GRIK1: variants seen among roughly 807,000 people sequenced by gnomAD.
GRIK1 encodes glutamate receptor ionotropic, kainate 1.
A neutral mutation model predicts 105.7 loss-of-function variants in GRIK1; 69 were observed. The observed-to-expected ratio is 0.65, with a 90% CI of 0.54 to 0.80. GRIK1 has a LOEUF of 0.80. GRIK1 is among the 30% of genes least tolerant of loss of function. The pLI, the probability that GRIK1 is intolerant of heterozygous loss-of-function variation, is 0.00. For synonymous variants in GRIK1, 438 were observed against 431.3 expected, an observed-to-expected ratio of 1.02 and a Z score of -0.19; for missense variants, 1,109 against 1,167.3, an observed-to-expected ratio of 0.95 and a Z score of 0.73.
chr21:29,726,456 T>A (rs1462234069), intron 1 of GRIK1, among the ~76,000 whole-genome samples: 1 of 152,198 alleles, frequency 6.6e-6, no homozygotes, highest in Non-Finnish European at 1.5e-5. Flanking sequence ...AAAATGTCAT[T>A]TGTTATTACG....
At chr21:29,576,863 T>A in intron 14 of GRIK1, 101 bp downstream of exon 14, 2 of 688,408 alleles carry the variant, frequency 2.9e-6, no homozygotes, top group Non-Finnish European at 4.8e-6. Context: ...TTACCCAACA[T>A]CTTTTTTTCT....
At chr21:29,750,992 C>T (rs113966675) in intron 1 of GRIK1, among the ~76,000 whole-genome samples, 6,532 of 152,134 alleles carry the variant, frequency 0.043, 200 homozygotes, top group Non-Finnish European at 0.066. Flanking sequence ...TGGAAAATTA[C>T]AGTCAAAGGG....
At chr21:29,796,504 C>T (rs569399351) in intron 1 of GRIK1, among the ~76,000 whole-genome samples, 364 of 151,926 alleles carry the variant, frequency 2.4e-3, no homozygotes, top group African/African-American at 8.2e-3. Context: ...TATTCTATTG[C>T]GTATCATATA....
At chr21:29,656,916 G>A (rs1297120766) in intron 4 of GRIK1, among the ~76,000 whole-genome samples, 1 of 152,140 alleles carries the variant, frequency 6.6e-6, no homozygotes, top group Non-Finnish European at 1.5e-5. Context: ...TGAATCATCA[G>A]CCCACAGGAT....
chr21:29,786,850 C>T (rs952672834), intron 1 of GRIK1, among the ~76,000 whole-genome samples: 5 of 152,136 alleles, frequency 3.3e-5, no homozygotes, highest in African/African-American at 1.2e-4. Context: ...TTAAACCTAT[C>T]CCCAGTAAGC....
chr21:29,736,486 C>T (rs1322567502), intron 1 of GRIK1, among the ~76,000 whole-genome samples: 6 of 152,124 alleles, frequency 3.9e-5, no homozygotes, highest in Admixed American at 1.3e-4. Flanking sequence ...TCCTCAGCCT[C>T]CCAAAGTGCT....
intron 3 of GRIK1, among the ~76,000 whole-genome samples, chr21:29,674,582 C>T (rs921150051): frequency 2.6e-5 from 4 of 151,968 alleles, no homozygotes; most frequent in Admixed American, 6.6e-5. Context: ...CGGATATCCC[C>T]CAGGCTGTTC....
intron 3 of GRIK1, among the ~76,000 whole-genome samples, chr21:29,688,292 C>T (rs761454588): frequency 6.6e-6 from 1 of 152,178 alleles, no homozygotes; most frequent in Non-Finnish European, 1.5e-5. Context: ...CCACACTCGT[C>T]ACTTTTATCT....
chr21:29,807,889 C>T (rs540878648), intron 1 of GRIK1, among the ~76,000 whole-genome samples: 2 of 152,238 alleles, frequency 1.3e-5, no homozygotes, highest in African/African-American at 4.8e-5. Context: ...GTCAGCTTTC[C>T]TCCATCTGGA....
intron 1 of GRIK1, among the ~76,000 whole-genome samples, chr21:29,896,603 ATAG>A (rs2146242799): frequency 6.6e-6 from 1 of 152,346 alleles, no homozygotes; most frequent in East Asian, 1.9e-4. Flanking sequence ...TATCTGTCAC[ATAG>A]TAGCTGTTAA....
intron 1 of GRIK1, among the ~76,000 whole-genome samples, chr21:29,867,807 A>T (rs1042005543): frequency 3.4e-4 from 49 of 144,008 alleles, no homozygotes; most frequent in Non-Finnish European, 5.8e-4. Context: ...GAAGAAAGAA[A>T]GAAAGAAAGA....
intron 1 of GRIK1, among the ~76,000 whole-genome samples, chr21:29,733,052 C>T (rs16984863): frequency 0.038 from 5,827 of 152,224 alleles, 255 homozygotes; most frequent in East Asian, 0.1. Flanking sequence ...TTTACTTCTA[C>T]AGGCGGTTAC....
chr21:29,824,078 G>C (rs561367302), intron 1 of GRIK1, among the ~76,000 whole-genome samples: 1 of 151,904 alleles, frequency 6.6e-6, no homozygotes, highest in Admixed American at 6.6e-5. Context: ...GAGGGGTGGT[G>C]GTGACTTGGG....
At chr21:29,831,303 T>C (rs919106986) in intron 1 of GRIK1, among the ~76,000 whole-genome samples, 2 of 152,166 alleles carry the variant, frequency 1.3e-5, no homozygotes, top group African/African-American at 4.8e-5. Context: ...TTCAGTCCCA[T>C]TGGCTTCCTT....
intron 8 of GRIK1, chr21:29,596,818 A>G (rs363470): frequency 0.031 from 15,844 of 517,684 alleles, 872 homozygotes; most frequent in East Asian, 0.17. Flanking sequence ...CACACCAAGA[A>G]ATGCCTTAAA....
chr21:29,663,311 G>A (rs1293490173), intron 4 of GRIK1, among the ~76,000 whole-genome samples: 1 of 152,182 alleles, frequency 6.6e-6, no homozygotes, highest in Non-Finnish European at 1.5e-5. Context: ...AGGAGTCAAA[G>A]CTTTATCTTA....
At chr21:29,635,651 G>A (rs1283643279) in intron 7 of GRIK1, among the ~76,000 whole-genome samples, 2 of 152,214 alleles carry the variant, frequency 1.3e-5, no homozygotes, top group African/African-American at 4.8e-5. Context: ...GGCTGACAGG[G>A]AGAAGTTGGT....
intron 1 of GRIK1, among the ~76,000 whole-genome samples, chr21:29,725,984 C>G (rs572518689): frequency 6.6e-6 from 1 of 152,090 alleles, no homozygotes. Flanking sequence ...GATTTTAATG[C>G]CCATTAGAAT....
At chr21:29,754,439 T>G (rs2065283646) in intron 1 of GRIK1, among the ~76,000 whole-genome samples, 1 of 152,206 alleles carries the variant, frequency 6.6e-6, no homozygotes, top group Non-Finnish European at 1.5e-5. Context: ...AATAATCACG[T>G]GTTCAAATCC....
Sources: gnomAD v4.1 joint callset for allele counts (sites outside exome capture counted in the v4.1 genomes callset) on GRCh38, gnomAD v4.1.1 for gene constraint, MANE v1.5 for transcripts, NCBI Gene and HGNC (gene_info 2026-07-23, HGNC 2026-07-21) for gene names.